The following RTRAF variants were observed in gnomAD, a reference collection of about 807,000 sequenced individuals.
The protein encoded by RTRAF is RNA transcription, translation and transport factor, also known as tRNA-splicing ligase complex subunit RTRAF.
In RTRAF, 14 loss-of-function variants were observed where a neutral mutation model predicts 34.4. That is an observed-to-expected ratio of 0.41 (90% CI 0.27 to 0.64). RTRAF has a LOEUF of 0.64. RTRAF is among the 30% of genes least tolerant of loss of function. RTRAF has a pLI of 0.34. For missense variants in RTRAF, 291 were observed against 288.4 expected, an observed-to-expected ratio of 1.01 and a Z score of -0.06; for synonymous variants, 96 against 95.3, an observed-to-expected ratio of 1.01 and a Z score of -0.04.
intron 3 of RTRAF, among the ~76,000 whole-genome samples, chr14:51,996,004 GTTTA>G (rs1367071874): frequency 2.0e-5 from 3 of 151,938 alleles, no homozygotes; most frequent in African/African-American, 4.8e-5. Context: ...TTACATCTCA[GTTTA>G]TTTGTTTTAT....
chr14:51,990,727 C>T (rs1049402215), intron 1 of RTRAF, among the ~76,000 whole-genome samples: 1 of 152,112 alleles, frequency 6.6e-6, no homozygotes, highest in East Asian at 1.9e-4. Context: ...GAGGATTAAA[C>T]GAAACAATTA....
intron 1 of RTRAF, among the ~76,000 whole-genome samples, chr14:51,990,571 G>A (rs1336033624): frequency 6.6e-6 from 1 of 152,182 alleles, no homozygotes; most frequent in Non-Finnish European, 1.5e-5. Context: ...ATCGCCTGTA[G>A]AAGCATATCA....
chr14:51,991,909 A>C (rs1194770714), intron 2 of RTRAF, among the ~76,000 whole-genome samples: 1 of 152,172 alleles, frequency 6.6e-6, no homozygotes, highest in African/African-American at 2.4e-5. Flanking sequence ...TCTACAAGAA[A>C]ATAGAAAGTT....
rs1031171400 is a variant in RTRAF, at chr14:52,004,810, A to AAACTT, written c.*297_*301dup. On this transcript the variant is annotated 3_prime_UTR_variant, in exon 8 of 8. Coordinates refer to ENST00000261700, the MANE Select transcript of RTRAF (RefSeq NM_016039.3). ...CAATATAGATCCTTAAGTCATAGGA[A>AAACTT]AACTTAAAACACTTTATTGGAGTAA... 3.3e-5 allele frequency: 8 copies of AAACTT among 245,770 alleles called. No homozygotes were observed. Among genetic ancestry groups the AAACTT allele is most frequent in the Admixed American group, 1.1e-4 (2 of 18,392 alleles). The allele number at this position is 245,770 out of a possible 1,614,324, so 15.2% of individuals were successfully genotyped here.
Position 52,004,731 on chromosome 14 carries a change from C to A in RTRAF, c.*215C>A. The A allele has an allele frequency of 2.3e-6, 1 of 439,034 alleles. No individual in the cohort carries two copies. 27.2% of individuals were successfully genotyped at this position (439,034 alleles called of 1,614,324 possible). A position where few individuals can be genotyped will look rare whatever the true frequency, so the allele number is the denominator to read the frequency against. On this transcript the variant is annotated 3_prime_UTR_variant, in exon 8 of 8. Coordinates refer to ENST00000261700, the MANE Select transcript of RTRAF (RefSeq NM_016039.3). ...TGTACTGTATGTTTGCATAAATCACCTTTCTCCTTTGTGGTTAAGGCATAT... is the reference window on the plus strand; with the variant it reads ...TGTACTGTATGTTTGCATAAATCACATTTCTCCTTTGTGGTTAAGGCATAT...
In RTRAF at chr14:52,006,791, A is replaced by G; in HGVS notation, c.*2275A>G. The G allele has an allele frequency of 2.1e-6, 2 of 967,952 alleles. No individual in the cohort carries two copies. Among genetic ancestry groups the G allele is most frequent in the Non-Finnish European group, 3.1e-6 (2 of 652,952 alleles). 60.0% of individuals were successfully genotyped at this position (967,952 alleles called of 1,614,324 possible). A position where few individuals can be genotyped will look rare whatever the true frequency, so the allele number is the denominator to read the frequency against. On this transcript the variant is annotated 3_prime_UTR_variant, in exon 8 of 8. Coordinates refer to ENST00000261700, the MANE Select transcript of RTRAF (RefSeq NM_016039.3). ...ACTTCCATTACAGTCATAGATTAGC[A>G]ACTGTAAAATTACCTGTCCTATTAC...
intron 3 of RTRAF, among the ~76,000 whole-genome samples, chr14:51,996,553 A>G (rs1188070289): frequency 6.6e-6 from 1 of 152,104 alleles, no homozygotes; most frequent in Admixed American, 6.6e-5. Flanking sequence ...AGATTTTCAT[A>G]TACCTCAAGT....
rs981747984 is a variant in RTRAF at position 52,009,170 on chromosome 14, G to A, written c.*4654G>A. 1.3e-5 allele frequency: 2 copies of A among 152,240 alleles called. No individual in the cohort carries two copies. Among genetic ancestry groups the A allele is most frequent in the Non-Finnish European group, 2.9e-5 (2 of 68,042 alleles). 9.4% of individuals were successfully genotyped at this position (152,240 alleles called of 1,614,324 possible). Reference sequence around the variant, plus strand: ...CCTTATGCCCAACAGATGAAGCAGAGAGAAGCTGAGAGCAAAAGCTAGAAA... The same window carrying A: ...CCTTATGCCCAACAGATGAAGCAGAAAGAAGCTGAGAGCAAAAGCTAGAAA... On this transcript the variant is annotated 3_prime_UTR_variant, in exon 8 of 8. Transcript: ENST00000261700.
intron 1 of RTRAF, 70 bp downstream of exon 1, chr14:51,989,770 C>A: frequency 6.9e-7 from 1 of 1,449,522 alleles, no homozygotes. Flanking sequence ...AGTGCCCGCA[C>A]CCCACCTCCC....
Position 52,007,795 on chromosome 14 carries a change from C to T in RTRAF, c.*3279C>T, listed in dbSNP as rs376232367. ...GATGAGAGGTTATCTATTTGCATTCCATCAGTAGTATTACCTGCATCTGCC... is the reference window on the plus strand; with the variant it reads ...GATGAGAGGTTATCTATTTGCATTCTATCAGTAGTATTACCTGCATCTGCC... On this transcript the variant is annotated 3_prime_UTR_variant, in exon 8 of 8. Transcript: ENST00000261700. 4.5e-5 allele frequency: 73 copies of T among 1,608,714 alleles called. No individual in the cohort carries two copies. The highest frequency in any genetic ancestry group is 5.9e-5 in the Non-Finnish European group (69 of 1,176,834).
At chr14:51,996,669 TTTACTC>T (rs1249488078) in intron 3 of RTRAF, among the ~76,000 whole-genome samples, 3 of 152,046 alleles carry the variant, frequency 2.0e-5, no homozygotes, top group African/African-American at 7.2e-5. Context: ...ATGATTCCTT[TTTACTC>T]TTAAACACTT....
chr14:51,995,252 A>G (rs1223988843), intron 3 of RTRAF, among the ~76,000 whole-genome samples: 1 of 151,818 alleles, frequency 6.6e-6, no homozygotes, highest in African/African-American at 2.4e-5. Flanking sequence ...GTTCATGTCA[A>G]GTTGTCAGCA....
rs1258182660 is a variant in RTRAF, at chr14:52,005,677, C to CAT, written c.*1168_*1169dup. The CAT allele has an allele frequency of 1.7e-5, 24 of 1,439,422 alleles. No homozygotes were observed. Among genetic ancestry groups the CAT allele is most frequent in the African/African-American group, 4.2e-5 (3 of 71,402 alleles). 89.2% of individuals were successfully genotyped at this position (1,439,422 alleles called of 1,614,324 possible). The stretch of plus-strand genomic sequence containing the variant: ...ACAGGCAGCAGGGGTAATCAAATAC[C>CAT]ATATATATCCCTTCTCTACCCTGCT... On this transcript the variant is annotated 3_prime_UTR_variant, in exon 8 of 8. Transcript: ENST00000261700.
At position 52,005,692 on chromosome 14, in the gene RTRAF, T is replaced by G. The variant is rs773121913; in HGVS notation, c.*1176T>G. ...AATCAAATACCATATATATCCCTTC[T>G]CTACCCTGCTAATTTAAAGGAGCAT... is the stretch of plus-strand genomic sequence containing the variant. On this transcript the variant is annotated 3_prime_UTR_variant, in exon 8 of 8. Coordinates refer to ENST00000261700, the MANE Select transcript of RTRAF (RefSeq NM_016039.3). The G allele has an allele frequency of 4.7e-6, 7 of 1,500,404 alleles. No homozygotes were observed. The highest frequency in any genetic ancestry group is 6.5e-6 in the Non-Finnish European group (7 of 1,076,790). The allele number at this position is 1,500,404 out of a possible 1,614,324, so 92.9% of individuals were successfully genotyped here. A position where few individuals can be genotyped will look rare whatever the true frequency, so the allele number is the denominator to read the frequency against.
At chr14:51,995,273 C>G (rs1890500525) in intron 3 of RTRAF, among the ~76,000 whole-genome samples, 1 of 151,858 alleles carries the variant, frequency 6.6e-6, no homozygotes, top group African/African-American at 2.4e-5. Flanking sequence ...AGGCAGGTTC[C>G]TTTTGGAGGC....
rs115330024 is a variant in RTRAF, at chr14:51,994,804, T to A, written c.286+982T>A. ...TAGCATGGTAGTTAATGATGACTGATATCCAACCTGTATTCACATCTTGAC... is the reference window on the plus strand; with the variant it reads ...TAGCATGGTAGTTAATGATGACTGAAATCCAACCTGTATTCACATCTTGAC... On this transcript the variant is annotated intron_variant, in intron 3 of 7. Transcript: ENST00000261700. Among the ~76,000 whole-genome samples the A allele has an allele frequency of 4.5e-3, 693 of 152,316 alleles. 8 individuals carry two copies. The highest frequency in any genetic ancestry group is 0.016 in the African/African-American group (663 of 41,568).
Position 51,989,624 on chromosome 14 carries a change from G to A in RTRAF, c.-16G>A. 1.3e-6 allele frequency: 2 copies of A among 1,597,554 alleles called. No individual in the cohort carries two copies. The highest frequency in any genetic ancestry group is 1.7e-6 in the Non-Finnish European group (2 of 1,172,668). On this transcript the variant is annotated 5_prime_UTR_variant, in exon 1 of 8. Coordinates refer to ENST00000261700, the MANE Select transcript of RTRAF (RefSeq NM_016039.3). Reference sequence around the variant, plus strand: ...CCCGGCCGAGGCCCGGGGGACCAGAGCGAGAAGCGGGGACCATGTTCCGAC... The same window carrying A: ...CCCGGCCGAGGCCCGGGGGACCAGAACGAGAAGCGGGGACCATGTTCCGAC...
At chr14:52,003,353 C>T (rs756814569) in intron 6 of RTRAF, among the ~76,000 whole-genome samples, 6 of 152,106 alleles carry the variant, frequency 3.9e-5, no homozygotes, top group East Asian at 1.9e-4. Flanking sequence ...CTTGTGCTTT[C>T]GTACCCATTG....
intron 2 of RTRAF, 80 bp downstream of exon 2, chr14:51,991,521 C>T: frequency 6.8e-7 from 1 of 1,464,800 alleles, no homozygotes; most frequent in Non-Finnish European, 9.3e-7. Flanking sequence ...TTACTTTCTT[C>T]TTTTAAGAAA....
Sources: allele counts gnomAD v4.1 joint callset (sites outside exome capture counted in the v4.1 genomes callset), GRCh38; gene constraint gnomAD v4.1.1; transcripts MANE v1.5; gene names NCBI Gene and HGNC (gene_info 2026-07-23, HGNC 2026-07-21).